DLGAP2: variants seen among roughly 807,000 people sequenced by gnomAD.
DLGAP2 encodes DLG associated protein 2, also known as disks large-associated protein 2.
DLGAP2 carries 26 observed loss-of-function variants against 100.3 expected under a neutral mutation model. The observed-to-expected ratio is 0.26, with a 90% confidence interval of 0.19 to 0.36. The LOEUF (loss-of-function observed/expected upper bound fraction) is 0.36, where lower values mean the gene tolerates loss of function less well. Among genes scored for constraint, DLGAP2 ranks in the 10% least tolerant of loss-of-function variants. The probability of loss-of-function intolerance (pLI) is 1.00; values close to 1 mark genes in which losing one functional copy is unlikely to be tolerated. For missense variants in DLGAP2, 1,858 were observed against 1,453.2 expected, an observed-to-expected ratio of 1.28 and a Z score of -4.53; for synonymous variants, 886 against 630.1, an observed-to-expected ratio of 1.41 and a Z score of -6.08.
intron 3 of DLGAP2, among the ~76,000 whole-genome samples, chr8:1,494,626 T>C (rs1799491556): frequency 6.6e-6 from 1 of 151,848 alleles, no homozygotes; most frequent in African/African-American, 2.4e-5. Context: ...CTATTGGGCG[T>C]CTGAGGCAGG....
intron 3 of DLGAP2, among the ~76,000 whole-genome samples, chr8:1,357,129 G>C (rs925216025): frequency 6.6e-6 from 1 of 152,014 alleles, no homozygotes; most frequent in Admixed American, 6.6e-5. Flanking sequence ...AGTGTCTACT[G>C]CAGAAGACGT....
intron 4 of DLGAP2, among the ~76,000 whole-genome samples, chr8:1,539,739 C>T (rs1183625898): frequency 6.6e-6 from 1 of 152,190 alleles, no homozygotes; most frequent in Non-Finnish European, 1.5e-5. Flanking sequence ...CATCGCTTTG[C>T]ATGTCTAGCT....
Position 1,101,134 on chromosome 8 carries a change from A to G in DLGAP2, c.74-157717A>G, listed in dbSNP as rs557053998. Among the ~76,000 whole-genome samples the G allele has an allele frequency of 5.9e-5, 9 of 152,316 alleles. No individual in the cohort carries two copies. In the East Asian group the frequency reaches 1.7e-3, roughly 29 times the overall value. On this transcript the variant is annotated intron_variant, in intron 2 of 14. Coordinates refer to ENST00000637795, the MANE Select transcript of DLGAP2 (RefSeq NM_001346810.2). Reference sequence around the variant, plus strand: ...TCTGATGTTAGCAATTTGAATCTGCACTGATGGGCATGGCAGACGCAAATG... The same window carrying G: ...TCTGATGTTAGCAATTTGAATCTGCGCTGATGGGCATGGCAGACGCAAATG...
chr8:941,713 G>A (rs958597393), intron 2 of DLGAP2, among the ~76,000 whole-genome samples: 2 of 152,114 alleles, frequency 1.3e-5, no homozygotes, highest in Non-Finnish European at 2.9e-5. Context: ...TTCTTTGTGC[G>A]GCTTTCTTTG....
chr8:1,412,977 C>G (rs559300638), intron 3 of DLGAP2, among the ~76,000 whole-genome samples: 6 of 152,286 alleles, frequency 3.9e-5, no homozygotes, highest in South Asian at 4.1e-4. Context: ...GTAAAACAGA[C>G]TTGCCCTTCC....
chr8:1,233,488 G>C (rs112277367), intron 2 of DLGAP2, among the ~76,000 whole-genome samples: 7 of 152,302 alleles, frequency 4.6e-5, no homozygotes, highest in Admixed American at 2.0e-4. Flanking sequence ...ATCGCAGAGC[G>C]CAGGGAAGGT....
At position 789,188 on chromosome 8, in the gene DLGAP2, C is replaced by G. The variant is rs1026306422; in HGVS notation, c.18+51363C>G. The stretch of plus-strand genomic sequence containing the variant: ...GTTGTATTAGTTCTTTCTCACTCTG[C>G]TATAAAGAAATAGGTGAAACTGGGC... On this transcript the variant is annotated intron_variant, in intron 1 of 14. Coordinates refer to ENST00000637795, the MANE Select transcript of DLGAP2 (RefSeq NM_001346810.2). Among the ~76,000 whole-genome samples the G allele has an allele frequency of 4.7e-4, 72 of 152,170 alleles. 1 individual carries two copies. The highest frequency in any genetic ancestry group is 4.6e-4 in the Admixed American group (7 of 15,280).
In DLGAP2 at chr8:901,730, C is replaced by T. The variant is rs143890100; in HGVS notation, c.19-6182C>T. 1.6e-3 allele frequency among the ~76,000 whole-genome samples: 250 copies of T among 152,338 alleles called. 1 individual carries two copies. Among genetic ancestry groups the T allele is most frequent in the South Asian group, 4.8e-3 (23 of 4,820 alleles). The stretch of plus-strand genomic sequence containing the variant: ...GAACAGCCTCGATGGCAGCACGGGG[C>T]GTCCCCATTGCCCCATTGCTGTGGC... On this transcript the variant is annotated intron_variant, in intron 1 of 14. Transcript: ENST00000637795.
At chr8:1,239,529 C>T (rs1288788866) in intron 2 of DLGAP2, among the ~76,000 whole-genome samples, 7 of 107,638 alleles carry the variant, frequency 6.5e-5, no homozygotes, top group Admixed American at 2.0e-4. Context: ...CACATGGTGC[C>T]GTGTCTAGTT....
At chr8:1,541,282 G>A (rs554598735) in intron 4 of DLGAP2, among the ~76,000 whole-genome samples, 16 of 152,248 alleles carry the variant, frequency 1.1e-4, no homozygotes, top group African/African-American at 3.6e-4. Flanking sequence ...TGAGACCTCT[G>A]TTGGTAGTTT....
intron 3 of DLGAP2, among the ~76,000 whole-genome samples, chr8:1,430,013 T>TATAC (rs1554467375): frequency 1.3e-5 from 1 of 76,080 alleles, no homozygotes; most frequent in Non-Finnish European, 2.8e-5. Context: ...TATACATATA[T>TATAC]ATATATATAT....
intron 3 of DLGAP2, among the ~76,000 whole-genome samples, chr8:1,389,038 C>T (rs1019296597): frequency 2.0e-5 from 3 of 147,394 alleles, no homozygotes; most frequent in African/African-American, 7.6e-5. Context: ...GGCGCTGGTT[C>T]AGGTGTCAGG....
At chr8:1,049,266 A>C (rs1390325275) in intron 2 of DLGAP2, among the ~76,000 whole-genome samples, 1 of 152,160 alleles carries the variant, frequency 6.6e-6, no homozygotes, top group African/African-American at 2.4e-5. Context: ...TGTATAATAA[A>C]ATGGCGAGTT....
chr8:741,789 T>A (rs1263018705), intron 1 of DLGAP2, among the ~76,000 whole-genome samples: 1 of 152,206 alleles, frequency 6.6e-6, no homozygotes, highest in African/African-American at 2.4e-5. Context: ...GGCTCCTGAC[T>A]GGCCGGAGCC....
chr8:1,256,107 G>A (rs1171450339), intron 2 of DLGAP2, among the ~76,000 whole-genome samples: 2 of 133,260 alleles, frequency 1.5e-5, no homozygotes, highest in African/African-American at 5.9e-5. Context: ...CGCTGTGTGT[G>A]TGTCCTCTCC....
chr8:1,101,576 G>A (rs924335006), intron 2 of DLGAP2, among the ~76,000 whole-genome samples: 2 of 152,150 alleles, frequency 1.3e-5, no homozygotes, highest in African/African-American at 2.4e-5. Flanking sequence ...TGGGAAGATG[G>A]AAGAGTTCCG....
intron 2 of DLGAP2, among the ~76,000 whole-genome samples, chr8:1,114,393 T>C (rs1197525043): frequency 1.3e-5 from 2 of 152,204 alleles, no homozygotes; most frequent in Non-Finnish European, 2.9e-5. Flanking sequence ...ATTGGTCTGC[T>C]CAAGGAATCA....
At chr8:763,308 G>A (rs1209537686) in intron 1 of DLGAP2, among the ~76,000 whole-genome samples, 1 of 152,192 alleles carries the variant, frequency 6.6e-6, no homozygotes, top group African/African-American at 2.4e-5. Context: ...ACATCGTATT[G>A]AAGTGAAGAT....
chr8:1,227,040 G>T (rs772519330), intron 2 of DLGAP2, among the ~76,000 whole-genome samples: 9 of 149,440 alleles, frequency 6.0e-5, no homozygotes, highest in Non-Finnish European at 1.2e-4. Flanking sequence ...CACCACCTCG[G>T]AAATATATCT....
Sources: gnomAD v4.1 joint callset for allele counts (sites outside exome capture counted in the v4.1 genomes callset) on GRCh38, gnomAD v4.1.1 for gene constraint, MANE v1.5 for transcripts, NCBI Gene and HGNC (gene_info 2026-07-23, HGNC 2026-07-21) for gene names.